Variants in ESR1 observed in about 807,000 individuals in gnomAD.
The protein encoded by ESR1 is estrogen receptor.
In ESR1, 12 loss-of-function variants were observed where a neutral mutation model predicts 52.7. The ratio of observed to expected loss-of-function variants is 0.23; its 90% CI spans 0.15 to 0.37. ESR1 has a LOEUF of 0.37. ESR1 is among the 10% of genes least tolerant of loss of function. ESR1 has a pLI of 1.00. For synonymous variants in ESR1, 305 were observed against 316.8 expected, an observed-to-expected ratio of 0.96 and a Z score of 0.39; for missense variants, 584 against 779.7, an observed-to-expected ratio of 0.75 and a Z score of 2.99.
At chr6:152,004,493 A>G (rs2042186323) in intron 4 of ESR1, among the ~76,000 whole-genome samples, 1 of 151,974 alleles carries the variant, frequency 6.6e-6, no homozygotes. Context: ...TACCTCATGT[A>G]TGCATTACAG....
chr6:152,009,435 T>C (rs1184111499), intron 4 of ESR1, among the ~76,000 whole-genome samples: 2 of 152,098 alleles, frequency 1.3e-5, no homozygotes, highest in South Asian at 4.1e-4. Flanking sequence ...TTGAATACAG[T>C]ATAGCAAAAT....
intron 4 of ESR1, among the ~76,000 whole-genome samples, chr6:151,987,281 C>CA (rs1255224462): frequency 6.6e-6 from 1 of 152,022 alleles, no homozygotes; most frequent in Non-Finnish European, 1.5e-5. Flanking sequence ...TGTTTTGAGA[C>CA]AGAGTCTTGC....
chr6:151,746,970 G>A (rs987340053), intron 2 of ESR1, among the ~76,000 whole-genome samples: 5 of 152,210 alleles, frequency 3.3e-5, no homozygotes, highest in African/African-American at 1.2e-4. Context: ...CTGGCAGGGA[G>A]GAAAAGCCAT....
At chr6:151,813,318 TAAG>T (rs1779112539) in intron 1 of ESR1, 1 of 152,156 alleles carries the variant, frequency 6.6e-6, no homozygotes, top group South Asian at 2.1e-4. Flanking sequence ...CGTGGGCAAA[TAAG>T]AAAGAGTATG....
In ESR1 at chr6:151,984,035, A is replaced by G. The variant is rs983962411; in HGVS notation, c.1097-27621A>G. On this transcript the variant is annotated intron_variant, in intron 4 of 7. Coordinates refer to ENST00000206249, the MANE Select transcript of ESR1 (RefSeq NM_000125.4). Reference sequence around the variant, plus strand: ...CTTTGTTTCCACCAACTCTCCCTGAAGATGAGGCGCACAGACAGACAACTC... The same window carrying G: ...CTTTGTTTCCACCAACTCTCCCTGAGGATGAGGCGCACAGACAGACAACTC... 5 of 152,258 alleles carry G rather than the reference A, an allele frequency of 3.3e-5. No individual in the cohort carries two copies. The East Asian group carries it at 9.6e-4, about 29-fold the overall frequency. The allele number at this position is 152,258 out of a possible 1,614,324, so 9.4% of individuals were successfully genotyped here. A position where few individuals can be genotyped will look rare whatever the true frequency, so the allele number is the denominator to read the frequency against.
chr6:151,926,328 C>A (rs1393179554), intron 3 of ESR1, among the ~76,000 whole-genome samples: 1 of 152,126 alleles, frequency 6.6e-6, no homozygotes, highest in East Asian at 1.9e-4. Context: ...TATTCTAGGT[C>A]TTTTGCCCTT....
At chr6:151,985,522 A>AAAAAAAC (rs2040388617) in intron 4 of ESR1, among the ~76,000 whole-genome samples, 1 of 137,956 alleles carries the variant, frequency 7.2e-6, no homozygotes, top group African/African-American at 3.1e-5. Flanking sequence ...AAAAAAAAAA[A>AAAAAAAC]AAAAAAAAAA....
In ESR1 at chr6:151,862,404, G is replaced by C. The variant is rs75212772; in HGVS notation, c.644-18251G>C. Among the ~76,000 whole-genome samples the C allele has an allele frequency of 9.8e-3, 1,487 of 152,302 alleles. 30 individuals are homozygous for C. Among genetic ancestry groups the C allele is most frequent in the African/African-American group, 0.035 (1,438 of 41,580 alleles). On this transcript the variant is annotated intron_variant, in intron 2 of 7. Transcript: ENST00000206249. ...CAGATGGGGGCCACAGAGTTGGCTG[G>C]AGTTAGTCCTGGTTGCCAAGGGTAA...
chr6:151,880,329 T>A (rs6557169), intron 2 of ESR1, among the ~76,000 whole-genome samples: 3 of 151,740 alleles, frequency 2.0e-5, no homozygotes, highest in Non-Finnish European at 2.9e-5. Context: ...ATTACAGGTG[T>A]ACACCACCAT....
At chr6:151,912,844 G>A (rs908987399) in intron 3 of ESR1, among the ~76,000 whole-genome samples, 11 of 151,976 alleles carry the variant, frequency 7.2e-5, no homozygotes, top group Non-Finnish European at 1.3e-4. Flanking sequence ...CCTCATGTTC[G>A]CACTCATAAG....
chr6:151,758,199 G>T lies in ESR1; in HGVS notation c.-70-49644G>T, dbSNP rs189591554. On this transcript the variant is annotated intron_variant, in intron 2 of 2. Transcript: ENST00000404742. ...TGGTTTCTTTGTTTTCCCAAATAGAGGTAGCAAAATGGATGCTAAGAAGCA... is the reference window on the plus strand; with the variant it reads ...TGGTTTCTTTGTTTTCCCAAATAGATGTAGCAAAATGGATGCTAAGAAGCA... 1.9e-4 allele frequency among the ~76,000 whole-genome samples: 29 copies of T among 152,260 alleles called. 1 individual carries two copies. The East Asian group carries it at 5.2e-3, about 27-fold the overall frequency.
At chr6:151,925,132 G>GTTTGTTTT (rs1554285743) in intron 3 of ESR1, among the ~76,000 whole-genome samples, 6 of 143,870 alleles carry the variant, frequency 4.2e-5, no homozygotes, top group South Asian at 2.1e-4. Context: ...GGTTTTTTTT[G>GTTTGTTTT]TTTGTTTGTT....
intron 2 of ESR1, among the ~76,000 whole-genome samples, chr6:151,724,754 C>T (rs527297676): frequency 6.6e-6 from 1 of 152,160 alleles, no homozygotes; most frequent in Non-Finnish European, 1.5e-5. Context: ...GGGGGAAATT[C>T]GCCCAGCGTT....
At chr6:151,726,627 C>T (rs904384536) in intron 2 of ESR1, among the ~76,000 whole-genome samples, 12 of 152,270 alleles carry the variant, frequency 7.9e-5, no homozygotes, top group African/African-American at 1.4e-4. Flanking sequence ...CAAGCCACAG[C>T]GCCCGGTCAA....
At chr6:152,026,433 T>C (rs1473651845) in intron 5 of ESR1, among the ~76,000 whole-genome samples, 3 of 151,990 alleles carry the variant, frequency 2.0e-5, no homozygotes, top group Non-Finnish European at 2.9e-5. Context: ...AATATATCTT[T>C]CTTCTATCTT....
chr6:151,972,464 G>T (rs987148270), intron 4 of ESR1, among the ~76,000 whole-genome samples: 1 of 152,144 alleles, frequency 6.6e-6, no homozygotes, highest in Non-Finnish European at 1.5e-5. Context: ...ATGATCAGGT[G>T]GGTTTCATAC....
intron 4 of ESR1, among the ~76,000 whole-genome samples, chr6:151,960,531 C>T (rs759017750): frequency 2.6e-5 from 4 of 152,136 alleles, no homozygotes; most frequent in Non-Finnish European, 5.9e-5. Flanking sequence ...ACAGCAAGAG[C>T]AGTTCTGGAA....
intron 2 of ESR1, among the ~76,000 whole-genome samples, chr6:151,739,996 T>C (rs1445048857): frequency 1.3e-5 from 2 of 152,220 alleles, no homozygotes; most frequent in African/African-American, 2.4e-5. Flanking sequence ...GCTTCCTCTG[T>C]CACTGCAGAT....
intron 1 of ESR1, among the ~76,000 whole-genome samples, chr6:151,833,794 T>G (rs1430348364): frequency 6.6e-6 from 1 of 152,162 alleles, no homozygotes; most frequent in African/African-American, 2.4e-5. Flanking sequence ...TGCCAAGCTG[T>G]CTTCAAGGTG....
Sources: gnomAD v4.1 joint callset for allele counts (sites outside exome capture counted in the v4.1 genomes callset) on GRCh38, gnomAD v4.1.1 for gene constraint, MANE v1.5 for transcripts, NCBI Gene and HGNC (gene_info 2026-07-23, HGNC 2026-07-21) for gene names.